LOC400499: variants seen among roughly 807,000 people sequenced by gnomAD.
At chr16:11,513,456 G>C in the LOC400499 span, among the ~76,000 whole-genome samples, 1 of 151,162 alleles carries the variant, frequency 6.6e-6, no homozygotes, top group African/African-American at 2.4e-5. Context: ...TATTGAGATG[G>C]AGTCTTACTC....
chr16:11,436,024 G>A, the LOC400499 span: 2 of 397,340 alleles, frequency 5.0e-6, no homozygotes, highest in Admixed American at 4.4e-5. Context: ...ATTAAGAGGA[G>A]AAATGAGACA....
At chr16:11,408,605 AC>A in the LOC400499 span, among the ~76,000 whole-genome samples, 1 of 152,006 alleles carries the variant, frequency 6.6e-6, no homozygotes, top group Non-Finnish European at 1.5e-5. Flanking sequence ...TAGCTGAGAT[AC>A]AGGTACACAC....
the LOC400499 span, among the ~76,000 whole-genome samples, chr16:11,520,222 G>C: frequency 9.9e-4 from 150 of 152,280 alleles, no homozygotes; most frequent in African/African-American, 3.5e-3. Context: ...ATAGACTTAA[G>C]ATGGTTGAAA....
the LOC400499 span, among the ~76,000 whole-genome samples, chr16:11,518,276 G>A: frequency 3.1e-3 from 469 of 152,264 alleles, 1 homozygote; most frequent in African/African-American, 0.011. Context: ...CAATAAAAAC[G>A]GAAGAGGAAT....
chr16:11,393,182 C>G, the LOC400499 span, among the ~76,000 whole-genome samples: 4 of 143,364 alleles, frequency 2.8e-5, no homozygotes, highest in African/African-American at 1.0e-4. Context: ...TAAGTAGAGA[C>G]GGGGTCTCAC....
At chr16:11,486,823 TGGGTGGTTGGATGAACGGATGATGGGC>T in the LOC400499 span, among the ~76,000 whole-genome samples, 5 of 31,836 alleles carry the variant, frequency 1.6e-4, no homozygotes, top group East Asian at 6.6e-3. Context: ...GGCGGGCGGG[TGGGTGGTTGGATGAACGGATGATGGGC>T]GGGTGGGTGG....
the LOC400499 span, among the ~76,000 whole-genome samples, chr16:11,397,408 G>C: frequency 2.0e-5 from 3 of 152,224 alleles, no homozygotes; most frequent in Non-Finnish European, 1.5e-5. Flanking sequence ...TGAGTAGCTA[G>C]GACTACAGGC....
chr16:11,419,204 A>G, the LOC400499 span, among the ~76,000 whole-genome samples: 1 of 152,028 alleles, frequency 6.6e-6, no homozygotes, highest in Non-Finnish European at 1.5e-5. Flanking sequence ...AAAATATACT[A>G]CAAGGCTACA....
chr16:11,499,753 C>T, the LOC400499 span, among the ~76,000 whole-genome samples: 31 of 152,226 alleles, frequency 2.0e-4, no homozygotes, highest in African/African-American at 6.3e-4. Flanking sequence ...TCTTCACTCC[C>T]GCTCCCTACC....
chr16:11,504,747 A>C, the LOC400499 span, among the ~76,000 whole-genome samples: 1 of 152,098 alleles, frequency 6.6e-6, no homozygotes. Flanking sequence ...ACATGGTGAA[A>C]CCTCATCTCT....
At chr16:11,488,310 A>C in the LOC400499 span, among the ~76,000 whole-genome samples, 1 of 152,318 alleles carries the variant, frequency 6.6e-6, no homozygotes, top group Admixed American at 6.5e-5. Flanking sequence ...GCTGAATGCC[A>C]TAAAATAACT....
chr16:11,410,373 G>C, the LOC400499 span, among the ~76,000 whole-genome samples: 3 of 152,198 alleles, frequency 2.0e-5, no homozygotes, highest in Non-Finnish European at 4.4e-5. Context: ...AGAATCGCTT[G>C]AACCGGGGAG....
At chr16:11,518,527 C>A in the LOC400499 span, among the ~76,000 whole-genome samples, 1 of 152,080 alleles carries the variant, frequency 6.6e-6, no homozygotes, top group Non-Finnish European at 1.5e-5. Context: ...ACACACTCAA[C>A]AACAATGCCC....
chr16:11,384,024 C>CA, the LOC400499 span: 1 of 1,231,828 alleles, frequency 8.1e-7, no homozygotes, highest in South Asian at 4.1e-5. Flanking sequence ...AGGATGGATG[C>CA]AAGACTCAGG....
At chr16:11,380,755 ATTGTGACACTGTGGCTGTAAGTC>A in the LOC400499 span, 5 of 152,216 alleles carry the variant, frequency 3.3e-5, no homozygotes, top group African/African-American at 1.2e-4. Flanking sequence ...ATACCATTCC[ATTGTGACACTGTGGCTGTAAGTC>A]TTCTCTGTTG....
the LOC400499 span, among the ~76,000 whole-genome samples, chr16:11,427,290 G>C: frequency 7.1e-6 from 1 of 141,668 alleles, no homozygotes; most frequent in Admixed American, 7.4e-5. Flanking sequence ...AGAGGTTGCG[G>C]TAAGCTGAGA....
At chr16:11,519,391 T>C in the LOC400499 span, among the ~76,000 whole-genome samples, 5 of 152,050 alleles carry the variant, frequency 3.3e-5, no homozygotes, top group African/African-American at 9.6e-5. Context: ...CAAAAGAAGG[T>C]AGACTTTCTA....
chr16:11,416,918 C>T, the LOC400499 span, among the ~76,000 whole-genome samples: 20,699 of 151,930 alleles, frequency 0.14, 1,707 homozygotes, highest in African/African-American at 0.24. Context: ...TCTGATGGCT[C>T]GCAGGCCCCT....
At chr16:11,434,615 G>C in the LOC400499 span, among the ~76,000 whole-genome samples, 3 of 152,222 alleles carry the variant, frequency 2.0e-5, no homozygotes, top group Non-Finnish European at 4.4e-5. Flanking sequence ...TGAGCATTAA[G>C]AGGAGAGCAG....
Sources: gnomAD v4.1 joint callset for allele counts (sites outside exome capture counted in the v4.1 genomes callset) on GRCh38, gnomAD v4.1.1 for gene constraint, MANE v1.5 for transcripts.